GREM2: variants seen among roughly 807,000 people sequenced by gnomAD.
GREM2 encodes gremlin 2, DAN family BMP antagonist.
In GREM2, 11 loss-of-function variants were observed where a neutral mutation model predicts 14.2. The observed-to-expected ratio is 0.78, with a 90% confidence interval of 0.49 to 1.28. The LOEUF (loss-of-function observed/expected upper bound fraction) is 1.28, where lower values mean the gene tolerates loss of function less well. Among genes scored for constraint, GREM2 ranks in the 50% most tolerant of loss-of-function variants. The probability of loss-of-function intolerance (pLI) is 0.00; values close to 1 mark genes in which losing one functional copy is unlikely to be tolerated. For synonymous variants in GREM2, 98 were observed against 97.6 expected (o/e 1.00, Z -0.02); for missense variants, 210 against 218.5 (o/e 0.96, Z 0.24).
At chr1:240,533,681 A>G (rs1226921577) in intron 1 of GREM2, among the ~76,000 whole-genome samples, 1 of 152,144 alleles carries the variant, frequency 6.6e-6, no homozygotes, top group Non-Finnish European at 1.5e-5. Flanking sequence ...GGGATAGAGG[A>G]GCAGTTGGAT....
At chr1:240,527,749 G>A (rs1405646921) in intron 1 of GREM2, among the ~76,000 whole-genome samples, 1 of 152,096 alleles carries the variant, frequency 6.6e-6, no homozygotes, top group East Asian at 1.9e-4. Context: ...TCCCTACTTC[G>A]TATATAAGCA....
At chr1:240,580,216 C>A (rs1210492286) in intron 1 of GREM2, among the ~76,000 whole-genome samples, 1 of 152,102 alleles carries the variant, frequency 6.6e-6, no homozygotes, top group Admixed American at 6.6e-5. Flanking sequence ...CATAGGAAGA[C>A]CTCATTTCTA....
chr1:240,607,472 T>A (rs1162023130), intron 1 of GREM2, among the ~76,000 whole-genome samples: 1 of 152,208 alleles, frequency 6.6e-6, no homozygotes, highest in East Asian at 1.9e-4. Context: ...ACATTGTAAG[T>A]GTATTTTCCA....
chr1:240,562,576 G>A (rs1679061139), intron 1 of GREM2, among the ~76,000 whole-genome samples: 1 of 152,118 alleles, frequency 6.6e-6, no homozygotes, highest in African/African-American at 2.4e-5. Flanking sequence ...ATTTCTTTGT[G>A]GGAAAGACAC....
chr1:240,585,994 G>T (rs1349784250), intron 1 of GREM2, among the ~76,000 whole-genome samples: 3 of 143,346 alleles, frequency 2.1e-5, no homozygotes, highest in African/African-American at 7.7e-5. Flanking sequence ...ATTATTAAAA[G>T]AATCTTACTA....
intron 1 of GREM2, among the ~76,000 whole-genome samples, chr1:240,605,494 A>G (rs756137269): frequency 3.0e-4 from 46 of 152,110 alleles, no homozygotes; most frequent in Non-Finnish European, 5.7e-4. Flanking sequence ...CAAAAAACAA[A>G]CAAACAAACA....
chr1:240,528,883 C>T (rs957352892), intron 1 of GREM2, among the ~76,000 whole-genome samples: 1 of 152,154 alleles, frequency 6.6e-6, no homozygotes, highest in Non-Finnish European at 1.5e-5. Flanking sequence ...CTCGCTTAAC[C>T]TGAGTGGTTT....
intron 1 of GREM2, among the ~76,000 whole-genome samples, chr1:240,503,924 TA>T (rs1450837359): frequency 6.6e-6 from 1 of 152,214 alleles, no homozygotes; most frequent in African/African-American, 2.4e-5. Context: ...CACAGTCACT[TA>T]CAGTGGGTCT....
At chr1:240,499,033 T>C (rs992541097) in intron 1 of GREM2, among the ~76,000 whole-genome samples, 10 of 152,212 alleles carry the variant, frequency 6.6e-5, no homozygotes, top group African/African-American at 2.2e-4. Flanking sequence ...GAATAAGGAC[T>C]GCACAGGCCA....
intron 1 of GREM2, among the ~76,000 whole-genome samples, chr1:240,521,585 A>G (rs1438066378): frequency 6.6e-6 from 1 of 152,134 alleles, no homozygotes; most frequent in Non-Finnish European, 1.5e-5. Flanking sequence ...AAAAACAAAA[A>G]AACAAAGAAA....
At chr1:240,503,811 T>C (rs1677622779) in intron 1 of GREM2, among the ~76,000 whole-genome samples, 1 of 152,206 alleles carries the variant, frequency 6.6e-6, no homozygotes, top group Non-Finnish European at 1.5e-5. Context: ...CATGACAGAC[T>C]GCCTTCATAT....
At chr1:240,554,873 G>T (rs116591476) in intron 1 of GREM2, among the ~76,000 whole-genome samples, 1 of 152,148 alleles carries the variant, frequency 6.6e-6, no homozygotes, top group Non-Finnish European at 1.5e-5. Flanking sequence ...GGTGGGTGCG[G>T]TGGCTCACGC....
intron 1 of GREM2, among the ~76,000 whole-genome samples, chr1:240,512,005 A>G (rs1677844669): frequency 6.6e-6 from 1 of 152,186 alleles, no homozygotes; most frequent in African/African-American, 2.4e-5. Flanking sequence ...AGTTAAGCAG[A>G]AGCAGGGAAA....
chr1:240,499,870 G>C (rs1268520012), intron 1 of GREM2, among the ~76,000 whole-genome samples: 2 of 152,230 alleles, frequency 1.3e-5, no homozygotes, highest in Admixed American at 1.3e-4. Context: ...GAGTGGTGGA[G>C]ACCTGAATAT....
At chr1:240,515,794 T>G (rs1349822626) in intron 1 of GREM2, among the ~76,000 whole-genome samples, 1 of 152,200 alleles carries the variant, frequency 6.6e-6, no homozygotes, top group Non-Finnish European at 1.5e-5. Context: ...GGAAACAATG[T>G]GTGGTTTCTG....
intron 1 of GREM2, among the ~76,000 whole-genome samples, chr1:240,606,496 G>A (rs372816461): frequency 5.9e-4 from 89 of 152,092 alleles, no homozygotes; most frequent in African/African-American, 2.1e-3. Context: ...GTAATCATTA[G>A]GTTATTCCTG....
intron 1 of GREM2, among the ~76,000 whole-genome samples, chr1:240,606,634 A>G (rs1396048666): frequency 1.3e-5 from 2 of 152,004 alleles, no homozygotes; most frequent in African/African-American, 4.8e-5. Flanking sequence ...ATGAAGGCAC[A>G]ACATACTAGA....
intron 1 of GREM2, among the ~76,000 whole-genome samples, chr1:240,520,761 T>C (rs113811316): frequency 0.013 from 2,046 of 152,194 alleles, 50 homozygotes; most frequent in African/African-American, 0.047. Context: ...CAGGCTGGTC[T>C]TGAACTCCAG....
chr1:240,571,019 A>G (rs1053308600), intron 1 of GREM2, among the ~76,000 whole-genome samples: 4 of 152,222 alleles, frequency 2.6e-5, no homozygotes, highest in African/African-American at 9.6e-5. Context: ...AACATTTGGA[A>G]CACTTTAAAA....
Sources: gnomAD v4.1 joint callset for allele counts (sites outside exome capture counted in the v4.1 genomes callset) on GRCh38, gnomAD v4.1.1 for gene constraint, MANE v1.5 for transcripts, NCBI Gene and HGNC (gene_info 2026-07-23, HGNC 2026-07-21) for gene names.